The following ZNF892 variants were observed in gnomAD, a reference collection of about 807,000 sequenced individuals.
The protein encoded by ZNF892 is zinc finger protein 570-like.
At chr2:95,225,082 G>A in the ZNF892 span, among the ~76,000 whole-genome samples, 679 of 152,272 alleles carry the variant, frequency 4.5e-3, 4 homozygotes, top group Non-Finnish European at 6.6e-3. Context: ...CAGCACAAAA[G>A]GGGCTAAGAC....
the ZNF892 span, among the ~76,000 whole-genome samples, chr2:95,226,627 C>A: frequency 6.6e-6 from 1 of 152,146 alleles, no homozygotes; most frequent in African/African-American, 2.4e-5. Flanking sequence ...AAATTTATTT[C>A]TTGAATTGAG....
the ZNF892 span, among the ~76,000 whole-genome samples, chr2:95,258,514 A>G: frequency 6.6e-6 from 1 of 152,192 alleles, no homozygotes; most frequent in Non-Finnish European, 1.5e-5. Flanking sequence ...GATTGGGAAC[A>G]GATGTGGGTT....
At chr2:95,209,209 GAGGGTAGA>G in the ZNF892 span, among the ~76,000 whole-genome samples, 1 of 152,114 alleles carries the variant, frequency 6.6e-6, no homozygotes, top group Non-Finnish European at 1.5e-5. Flanking sequence ...TGGGTAGTTG[GAGGGTAGA>G]ATAAGGGAAT....
At chr2:95,232,740 G>A in the ZNF892 span, among the ~76,000 whole-genome samples, 1 of 34,546 alleles carries the variant, frequency 2.9e-5, no homozygotes, top group Non-Finnish European at 5.4e-5. Context: ...TTTTATCATC[G>A]TTACTTAGCA....
chr2:95,224,500 A>C, the ZNF892 span, among the ~76,000 whole-genome samples: 1 of 152,166 alleles, frequency 6.6e-6, no homozygotes, highest in Non-Finnish European at 1.5e-5. Context: ...GGCAAAGGGG[A>C]AACAGGCTCA....
chr2:95,234,123 G>C, the ZNF892 span, among the ~76,000 whole-genome samples: 6 of 152,164 alleles, frequency 3.9e-5, no homozygotes, highest in Non-Finnish European at 7.3e-5. Flanking sequence ...CCAGGTTCAA[G>C]CAATTCTGCC....
At chr2:95,229,874 T>C in the ZNF892 span, among the ~76,000 whole-genome samples, 6 of 152,198 alleles carry the variant, frequency 3.9e-5, no homozygotes, top group Admixed American at 3.9e-4. Flanking sequence ...TGGTTTTGAC[T>C]TTACCAGTTT....
chr2:95,220,672 A>G, the ZNF892 span, among the ~76,000 whole-genome samples: 1 of 152,194 alleles, frequency 6.6e-6, no homozygotes, highest in Non-Finnish European at 1.5e-5. Flanking sequence ...TTTGTGGTAT[A>G]TAACCTAAGG....
chr2:95,209,977 A>G, the ZNF892 span, among the ~76,000 whole-genome samples: 1 of 152,058 alleles, frequency 6.6e-6, no homozygotes, highest in South Asian at 2.1e-4. Flanking sequence ...TTTTAACTTT[A>G]TGTCATTATG....
At chr2:95,211,138 G>A in the ZNF892 span, among the ~76,000 whole-genome samples, 1 of 152,130 alleles carries the variant, frequency 6.6e-6, no homozygotes, top group African/African-American at 2.4e-5. Flanking sequence ...ATTCTGTGAC[G>A]TGTAGGAAAC....
At chr2:95,245,938 C>G in the ZNF892 span, among the ~76,000 whole-genome samples, 1 of 152,078 alleles carries the variant, frequency 6.6e-6, no homozygotes, top group Non-Finnish European at 1.5e-5. Flanking sequence ...ACCAAAAGTA[C>G]AAAGAAGAGC....
At chr2:95,242,994 C>T in the ZNF892 span, among the ~76,000 whole-genome samples, 53 of 152,298 alleles carry the variant, frequency 3.5e-4, no homozygotes, top group South Asian at 6.2e-4. Flanking sequence ...CGATTGCAGG[C>T]GCGCGCCGCC....
chr2:95,237,025 T>A, the ZNF892 span, among the ~76,000 whole-genome samples: 1 of 152,322 alleles, frequency 6.6e-6, no homozygotes, highest in Non-Finnish European at 1.5e-5. Flanking sequence ...ATGGGCACAA[T>A]TTATCCAACA....
the ZNF892 span, among the ~76,000 whole-genome samples, chr2:95,219,559 A>T: frequency 6.6e-6 from 1 of 152,156 alleles, no homozygotes; most frequent in Non-Finnish European, 1.5e-5. Flanking sequence ...CATCTGTGTC[A>T]TCTCAGTGTT....
At chr2:95,214,791 G>A in the ZNF892 span, 9 of 461,510 alleles carry the variant, frequency 2.0e-5, no homozygotes, top group African/African-American at 1.0e-4. Flanking sequence ...TGAATGTAAC[G>A]AATGTGGTAA....
At chr2:95,207,703 C>T in the ZNF892 span, 2 of 397,690 alleles carry the variant, frequency 5.0e-6, no homozygotes, top group Non-Finnish European at 8.9e-6. Flanking sequence ...CGGGTGGGGG[C>T]GCCAGGCTGC....
At chr2:95,256,766 C>A in the ZNF892 span, among the ~76,000 whole-genome samples, 1 of 152,136 alleles carries the variant, frequency 6.6e-6, no homozygotes, top group African/African-American at 2.4e-5. Context: ...AGGCTTTGTT[C>A]ATTTCTTTTT....
chr2:95,258,160 C>G, the ZNF892 span, among the ~76,000 whole-genome samples: 2 of 152,218 alleles, frequency 1.3e-5, no homozygotes, highest in Non-Finnish European at 2.9e-5. Flanking sequence ...CTGCGTCGCT[C>G]ACGCTGGGAG....
the ZNF892 span, among the ~76,000 whole-genome samples, chr2:95,226,451 CTG>C: frequency 6.6e-6 from 1 of 152,112 alleles, no homozygotes; most frequent in Non-Finnish European, 1.5e-5. Flanking sequence ...TTCTAGGCTG[CTG>C]TTATTTTTCT....
Sources: gnomAD v4.1 joint callset for allele counts (sites outside exome capture counted in the v4.1 genomes callset) on GRCh38, gnomAD v4.1.1 for gene constraint, MANE v1.5 for transcripts, NCBI Gene and HGNC (gene_info 2026-07-23, HGNC 2026-07-21) for gene names.